The following PDZD2 variants were observed in gnomAD, a reference collection of about 807,000 sequenced individuals.
PDZD2 encodes the protein PDZ domain-containing protein 2.
A neutral mutation model predicts 220.7 loss-of-function variants in PDZD2; 90 were observed. That is an observed-to-expected ratio of 0.41 (90% CI 0.34 to 0.49). PDZD2 has a LOEUF of 0.49. Ranked by LOEUF, PDZD2 falls within the 20% of genes least tolerant of loss-of-function variation. The pLI is 0.28. For synonymous variants in PDZD2, 1,375 were observed against 1,450.5 expected (o/e 0.95, Z 1.18); for missense variants, 3,174 against 3,608.5 (o/e 0.88, Z 3.08).
intron 2 of PDZD2, among the ~76,000 whole-genome samples, chr5:31,891,590 C>T (rs1489610774): frequency 6.6e-6 from 1 of 151,364 alleles, no homozygotes; most frequent in Admixed American, 6.6e-5. Context: ...GTTGGGATTA[C>T]AGGCATGAGC....
At chr5:31,948,878 C>T (rs528073191) in intron 2 of PDZD2, among the ~76,000 whole-genome samples, 98 of 151,928 alleles carry the variant, frequency 6.5e-4, no homozygotes, top group African/African-American at 2.2e-3. Flanking sequence ...GAGGGTGGAT[C>T]GCCTGAGGTT....
rs969655304 is a variant in PDZD2 at position 32,109,875 on chromosome 5, G to GAAAT, written c.*1742_*1745dup. On this transcript the variant is annotated 3_prime_UTR_variant, in exon 25 of 25. Transcript: ENST00000438447. ...CTAGAGAGGTCCTTCAGATGAGAGAGAAATAGCTGGCTTGTCTGAGTCCAG... is the reference window on the plus strand; with the variant it reads ...CTAGAGAGGTCCTTCAGATGAGAGAGAAATAAATAGCTGGCTTGTCTGAGTCCAG... 3 of 152,620 alleles carry GAAAT rather than the reference G, an allele frequency of 2.0e-5. No homozygotes were observed. The highest frequency in any genetic ancestry group is 7.2e-5 in the African/African-American group (3 of 41,438). The allele number at this position is 152,620 out of a possible 1,614,324, so 9.5% of individuals were successfully genotyped here.
intron 1 of PDZD2, among the ~76,000 whole-genome samples, chr5:31,645,007 A>G (rs1267267172): frequency 6.6e-6 from 1 of 152,198 alleles, no homozygotes; most frequent in Non-Finnish European, 1.5e-5. Flanking sequence ...CGAGCTCTGA[A>G]TGAAATAATA....
Position 32,089,468 on chromosome 5 carries a change from C to A in PDZD2, c.6020C>A (p.Ser2007Tyr). 6.2e-7 allele frequency: 1 copy of A among 1,613,824 alleles called. No homozygotes were observed. Among genetic ancestry groups the A allele is most frequent in the African/African-American group, 1.3e-5 (1 of 75,058 alleles). Residue 2007 changes from serine (S) to tyrosine (Y), a missense_variant, in exon 20 of 25, where the codon TCT becomes TAT. Physicochemically the swap from Ser to Tyr is moderately radical, Grantham distance 144. Transcript: ENST00000438447. The part of the protein sequence containing the change: ...MWSRFHMAVL[S>Y]EPDRGCPTTP... The stretch of plus-strand genomic sequence containing the variant: ...AGCAGGTTCCACATGGCTGTCCTCT[C>A]TGAACCCGACAGAGGTTGCCCAACC...
At chr5:32,002,082 C>T (rs540492433) in intron 5 of PDZD2, among the ~76,000 whole-genome samples, 5 of 152,260 alleles carry the variant, frequency 3.3e-5, no homozygotes, top group African/African-American at 7.2e-5. Context: ...ATTGCAAGAT[C>T]GATTGCTGAT....
chr5:32,039,237 C>G (rs1755822463), intron 7 of PDZD2, among the ~76,000 whole-genome samples: 1 of 151,930 alleles, frequency 6.6e-6, no homozygotes, highest in Admixed American at 6.6e-5. Flanking sequence ...TGCCGAGTGC[C>G]TGGGATTCCA....
intron 1 of PDZD2, among the ~76,000 whole-genome samples, chr5:31,750,230 A>G (rs1750865719): frequency 6.6e-6 from 1 of 151,454 alleles, no homozygotes; most frequent in Non-Finnish European, 1.5e-5. Flanking sequence ...GAAAGTCCTC[A>G]CTCTTGTCCG....
At chr5:31,917,263 T>C (rs1202918325) in intron 2 of PDZD2, among the ~76,000 whole-genome samples, 2 of 152,130 alleles carry the variant, frequency 1.3e-5, no homozygotes, top group African/African-American at 4.8e-5. Flanking sequence ...AAAAGTGAGA[T>C]CTGGATGGGT....
At chr5:31,861,863 T>C (rs1260468700) in intron 2 of PDZD2, among the ~76,000 whole-genome samples, 1 of 152,102 alleles carries the variant, frequency 6.6e-6, no homozygotes, top group Non-Finnish European at 1.5e-5. Context: ...GAAAGTACCC[T>C]GTTTGTTCCT....
At chr5:31,818,075 T>C (rs945923328) in intron 2 of PDZD2, among the ~76,000 whole-genome samples, 1 of 150,246 alleles carries the variant, frequency 6.7e-6, no homozygotes, top group Non-Finnish European at 1.5e-5. Context: ...ACTCAGGTGA[T>C]CCTCCCACCT....
intron 14 of PDZD2, among the ~76,000 whole-genome samples, chr5:32,065,114 A>T: frequency 6.6e-6 from 1 of 152,240 alleles, no homozygotes; most frequent in Non-Finnish European, 1.5e-5. Context: ...AGCCTGGCCA[A>T]CATGGCAAAA....
chr5:31,971,033 C>T (rs1387437350), intron 2 of PDZD2, among the ~76,000 whole-genome samples: 1 of 152,220 alleles, frequency 6.6e-6, no homozygotes, highest in Non-Finnish European at 1.5e-5. Context: ...AGACCCTTCC[C>T]CAGAAAGCTG....
In PDZD2 at chr5:31,656,555, A is replaced by G. The variant is rs201993594; in HGVS notation, c.-361+17118A>G. On this transcript the variant is annotated intron_variant, in intron 1 of 24. Transcript: ENST00000438447. ...TTTAATGTATTGACAGCGTCTAAGC[A>G]CCATTGCCGAGGGGAAGGGATGTCA... is the stretch of plus-strand genomic sequence containing the variant. Among the ~76,000 whole-genome samples, 14 of 152,222 alleles carry G rather than the reference A, an allele frequency of 9.2e-5. No individual in the cohort carries two copies. In the East Asian group the frequency reaches 2.7e-3, roughly 29 times the overall value.
At chr5:31,741,192 T>TACACAC (rs3032908) in intron 1 of PDZD2, among the ~76,000 whole-genome samples, 17 of 150,510 alleles carry the variant, frequency 1.1e-4, no homozygotes, top group South Asian at 4.2e-4. Context: ...CAATAGTGTG[T>TACACAC]ACACACACAC....
At chr5:32,057,513 G>A in intron 10 of PDZD2, 142 bp from the exon 11 acceptor site, 1 of 596,184 alleles carries the variant, frequency 1.7e-6, no homozygotes, top group Non-Finnish European at 3.0e-6. Context: ...GACATTCCTG[G>A]GAGCTAAGCT....
At chr5:31,790,647 T>C (rs918021727) in intron 1 of PDZD2, among the ~76,000 whole-genome samples, 8 of 151,382 alleles carry the variant, frequency 5.3e-5, no homozygotes, top group African/African-American at 1.9e-4. Context: ...CCTTATGATT[T>C]GAATCCTTTA....
chr5:31,819,342 T>G (rs957256215), intron 2 of PDZD2, among the ~76,000 whole-genome samples: 8 of 152,190 alleles, frequency 5.3e-5, no homozygotes, highest in African/African-American at 1.9e-4. Context: ...GTGTTTTTAC[T>G]GTATAGTCTT....
chr5:31,930,189 A>G (rs13182568), intron 2 of PDZD2, among the ~76,000 whole-genome samples: 19,612 of 139,050 alleles, frequency 0.14, 1,548 homozygotes, highest in South Asian at 0.24. Flanking sequence ...ACCCAGTCTC[A>G]GGTATTCTTT....
intron 1 of PDZD2, among the ~76,000 whole-genome samples, chr5:31,695,329 T>C (rs1246915656): frequency 6.6e-6 from 1 of 152,140 alleles, no homozygotes; most frequent in Non-Finnish European, 1.5e-5. Context: ...GTCATCAAAG[T>C]CAATGATATT....
Sources: gnomAD v4.1 joint callset for allele counts (sites outside exome capture counted in the v4.1 genomes callset) on GRCh38, gnomAD v4.1.1 for gene constraint, MANE v1.5 for transcripts, NCBI Gene and HGNC (gene_info 2026-07-23, HGNC 2026-07-21) for gene names.